SLC16A1: variants seen among roughly 807,000 people sequenced by gnomAD.
The protein encoded by SLC16A1 is monocarboxylate transporter 1.
SLC16A1 carries 11 observed loss-of-function variants against 32.2 expected under a neutral mutation model. That is an observed-to-expected ratio of 0.34 (90% CI 0.21 to 0.56). The LOEUF (loss-of-function observed/expected upper bound fraction) is 0.56. SLC16A1 is among the 20% of genes least tolerant of loss of function. The pLI, the probability that SLC16A1 is intolerant of heterozygous loss-of-function variation, is 0.87. For synonymous variants in SLC16A1, 231 were observed against 226.8 expected (o/e 1.02, Z -0.17); for missense variants, 435 against 615.0 (o/e 0.71, Z 3.10).
intron 1 of SLC16A1, among the ~76,000 whole-genome samples, chr1:112,943,144 G>A (rs1649567492): frequency 6.6e-6 from 1 of 151,938 alleles, no homozygotes; most frequent in Non-Finnish European, 1.5e-5. Flanking sequence ...AAGGTGTGGG[G>A]GTATAAAATG....
At chr1:112,926,383 G>C (rs1391293075) in intron 2 of SLC16A1, among the ~76,000 whole-genome samples, 6 of 152,000 alleles carry the variant, frequency 3.9e-5, no homozygotes. Context: ...CTGAGGTCAG[G>C]AGAGTTCAAG....
intron 2 of SLC16A1, among the ~76,000 whole-genome samples, chr1:112,925,074 T>C (rs1295775244): frequency 1.3e-5 from 2 of 152,190 alleles, no homozygotes; most frequent in Non-Finnish European, 2.9e-5. Flanking sequence ...AAACCAGACA[T>C]TTCCTCAGCT....
In SLC16A1 at chr1:112,914,173, T is replaced by C. The variant is rs751073790; in HGVS notation, c.1229-8A>G. ...ACATGTCATTGAGCCGACCTAAATA[T>C]GTAAAACAACACAAACAGTTGTTTC... is the stretch of plus-strand genomic sequence containing the variant. On this transcript the variant is annotated splice_region_variant and splice_polypyrimidine_tract_variant and intron_variant, in intron 4 of 4. Coordinates refer to ENST00000369626, the MANE Select transcript of SLC16A1 (RefSeq NM_003051.4). 1.9e-6 allele frequency: 3 copies of C among 1,614,172 alleles called. No homozygotes were observed. Among genetic ancestry groups the C allele is most frequent in the East Asian group, 4.5e-5 (2 of 44,890 alleles).
chr1:112,949,856 G>A (rs893080944), intron 1 of SLC16A1, among the ~76,000 whole-genome samples: 13 of 152,022 alleles, frequency 8.6e-5, no homozygotes, highest in African/African-American at 3.1e-4. Context: ...GTTTTTAAAT[G>A]CATAAAATAA....
At chr1:112,950,954 T>G (rs1380988736) in intron 1 of SLC16A1, among the ~76,000 whole-genome samples, 1 of 152,142 alleles carries the variant, frequency 6.6e-6, no homozygotes, top group African/African-American at 2.4e-5. Context: ...CCATGATGGT[T>G]TCACTGTACT....
rs1417067414 is a variant in SLC16A1, at chr1:112,949,831, C to T, written c.-45+6204G>A. ...TGGGATTACAGACGTGAGCCACGTG[C>T]CCAGACAGAATAATGTTTTTAAATG... On this transcript the variant is annotated intron_variant, in intron 1 of 4. Coordinates refer to ENST00000369626, the MANE Select transcript of SLC16A1 (RefSeq NM_003051.4). Among the ~76,000 whole-genome samples the T allele has an allele frequency of 7.2e-5, 11 of 151,898 alleles. No homozygotes were observed. In the East Asian group the frequency reaches 2.1e-3, roughly 29 times the overall value.
At chr1:112,919,482 GAACA>G (rs143221910) in intron 3 of SLC16A1, among the ~76,000 whole-genome samples, 3,570 of 152,232 alleles carry the variant, frequency 0.023, 137 homozygotes, top group African/African-American at 0.081. Context: ...GGACCAACCA[GAACA>G]AATTATTTAA....
intron 2 of SLC16A1, among the ~76,000 whole-genome samples, chr1:112,928,650 TAAC>T (rs959929076): frequency 5.3e-5 from 8 of 152,224 alleles, no homozygotes; most frequent in African/African-American, 1.4e-4. Flanking sequence ...CAGTTAATTC[TAAC>T]ATCATATAAA....
chr1:112,940,641 T>C (rs776797577), intron 1 of SLC16A1, among the ~76,000 whole-genome samples: 6 of 152,142 alleles, frequency 3.9e-5, no homozygotes, highest in African/African-American at 7.2e-5. Context: ...TATATATGTA[T>C]ACTGGAAAGG....
At position 112,921,972 on chromosome 1, in the gene SLC16A1, G is replaced by A. The variant is rs1425827132; in HGVS notation, c.361+18C>T. ...CAGCCATAAACTAATGCTTCCAAAT[G>A]AATCAGTAGTAACTCACCTCCAATG... is the stretch of plus-strand genomic sequence containing the variant. On this transcript the variant is annotated intron_variant, in intron 3 of 4. Coordinates refer to ENST00000369626, the MANE Select transcript of SLC16A1 (RefSeq NM_003051.4). The A allele has an allele frequency of 6.2e-7, 1 of 1,613,804 alleles. No homozygotes were observed. The highest frequency in any genetic ancestry group is 1.7e-5 in the Admixed American group (1 of 60,002).
chr1:112,952,945 T>A (rs1056308051), intron 1 of SLC16A1, among the ~76,000 whole-genome samples: 1 of 152,120 alleles, frequency 6.6e-6, no homozygotes, highest in Non-Finnish European at 1.5e-5. Context: ...ATCCTTAACG[T>A]CTCTGACTTT....
At position 112,913,401 on chromosome 1, in the gene SLC16A1, A is replaced by G. The variant is rs1648389169; in HGVS notation, c.*490T>C. The G allele has an allele frequency of 1.3e-5, 2 of 158,816 alleles. No homozygotes were observed. The highest frequency in any genetic ancestry group is 4.8e-5 in the African/African-American group (2 of 41,474). The allele number at this position is 158,816 out of a possible 1,614,324, so 9.8% of individuals were successfully genotyped here. A position where few individuals can be genotyped will look rare whatever the true frequency, so the allele number is the denominator to read the frequency against. On this transcript the variant is annotated 3_prime_UTR_variant, in exon 5 of 5. Coordinates refer to ENST00000369626, the MANE Select transcript of SLC16A1 (RefSeq NM_003051.4). Reference sequence around the variant, plus strand: ...CATTTTGTAAAATCTCTAACTTTCAACCAATATTTCTGTTCATAAATCTTC... The same window carrying G: ...CATTTTGTAAAATCTCTAACTTTCAGCCAATATTTCTGTTCATAAATCTTC...
intron 1 of SLC16A1, among the ~76,000 whole-genome samples, chr1:112,936,480 CAAAAA>C (rs35673011): frequency 3.6e-5 from 2 of 54,894 alleles, no homozygotes; most frequent in African/African-American, 6.6e-5. Context: ...GACTCTGTCT[CAAAAA>C]AAAAAAAAAA....
chr1:112,938,259 C>T (rs1649377984), intron 1 of SLC16A1, among the ~76,000 whole-genome samples: 1 of 152,040 alleles, frequency 6.6e-6, no homozygotes, highest in South Asian at 2.1e-4. Flanking sequence ...CATTCAAATC[C>T]AGAAAGGCTG....
At chr1:112,943,203 A>G (rs1649569945) in intron 1 of SLC16A1, among the ~76,000 whole-genome samples, 1 of 152,066 alleles carries the variant, frequency 6.6e-6, no homozygotes, top group Non-Finnish European at 1.5e-5. Flanking sequence ...ACTTTTTTCA[A>G]AAGATAGTGA....
chr1:112,919,940 AATTT>A (rs1374643741), intron 3 of SLC16A1, among the ~76,000 whole-genome samples: 2 of 152,140 alleles, frequency 1.3e-5, no homozygotes, highest in Non-Finnish European at 2.9e-5. Context: ...CTTATTTATT[AATTT>A]ATTTATGAGT....
intron 1 of SLC16A1, among the ~76,000 whole-genome samples, chr1:112,949,368 C>A (rs181964187): frequency 2.0e-5 from 3 of 152,122 alleles, no homozygotes; most frequent in East Asian, 1.9e-4. Context: ...AATTATTATG[C>A]CTTAATTTGT....
intron 2 of SLC16A1, among the ~76,000 whole-genome samples, chr1:112,928,774 G>A (rs994331018): frequency 6.6e-6 from 1 of 152,030 alleles, no homozygotes; most frequent in African/African-American, 2.4e-5. Context: ...CAAGAGTCCA[G>A]CAGAGATCAA....
chr1:112,927,259 T>C (rs1050101036), intron 2 of SLC16A1, among the ~76,000 whole-genome samples: 1 of 151,980 alleles, frequency 6.6e-6, no homozygotes, highest in South Asian at 2.1e-4. Flanking sequence ...AGGTGACCCT[T>C]GTGGAACTGA....
Sources: allele counts gnomAD v4.1 joint callset (sites outside exome capture counted in the v4.1 genomes callset), GRCh38; gene constraint gnomAD v4.1.1; transcripts MANE v1.5; gene names NCBI Gene and HGNC (gene_info 2026-07-23, HGNC 2026-07-21).